WIPI1: variants seen among roughly 807,000 people sequenced by gnomAD.
The protein encoded by WIPI1 is WD repeat domain phosphoinositide-interacting protein 1.
Under a neutral mutation model 55.3 loss-of-function variants are expected in WIPI1, and 45 were observed. The observed-to-expected ratio is 0.81, with a 90% CI of 0.64 to 1.04. WIPI1 has a LOEUF of 1.04. WIPI1 is among the 50% of genes least tolerant of loss of function. The pLI, the probability that WIPI1 is intolerant of heterozygous loss-of-function variation, is 0.00. For synonymous variants in WIPI1, 195 were observed against 217.6 expected (o/e 0.90, Z 0.92); for missense variants, 445 against 559.0 (o/e 0.80, Z 2.06).
chr17:68,433,321 C>T (rs1403666727), intron 8 of WIPI1, 147 bp downstream of exon 8: 4 of 751,272 alleles, frequency 5.3e-6, no homozygotes, highest in East Asian at 2.7e-5. Flanking sequence ...CAAAGTTTTG[C>T]TAACACACAC....
chr17:68,445,948 A>G (rs916575536), intron 3 of WIPI1, among the ~76,000 whole-genome samples: 5 of 152,286 alleles, frequency 3.3e-5, no homozygotes, highest in Admixed American at 2.0e-4. Flanking sequence ...TTAGACGAAT[A>G]CCAGGTGATT....
intron 4 of WIPI1, among the ~76,000 whole-genome samples, chr17:68,442,093 CTGTT>C (rs1032209351): frequency 3.9e-5 from 6 of 152,188 alleles, no homozygotes; most frequent in African/African-American, 1.4e-4. Flanking sequence ...TATTTTCTCT[CTGTT>C]TAAGCTGCAG....
chr17:68,457,328 G>A lies in WIPI1; in HGVS notation c.80+14C>T, dbSNP rs748774200. Reference sequence around the variant, plus strand: ...GTCCCCCACCTCCCTGGCAGGGGCCGAGTCGCAGCTTACGTGCAGTCCTGG... The same window carrying A: ...GTCCCCCACCTCCCTGGCAGGGGCCAAGTCGCAGCTTACGTGCAGTCCTGG... On this transcript the variant is annotated intron_variant, in intron 1 of 12. Transcript: ENST00000262139. 3 of 1,543,478 alleles carry A rather than the reference G, an allele frequency of 1.9e-6. No homozygotes were observed. Among genetic ancestry groups the A allele is most frequent in the South Asian group, 1.2e-5 (1 of 83,938 alleles).
intron 12 of WIPI1, among the ~76,000 whole-genome samples, chr17:68,424,820 C>T (rs548484021): frequency 6.6e-5 from 10 of 152,052 alleles, no homozygotes; most frequent in South Asian, 2.1e-4. Context: ...GAGGCTGCAG[C>T]GAGCCGAGAT....
In WIPI1 at chr17:68,427,143, G is replaced by A. The variant is rs200972573; in HGVS notation, c.1184C>T (p.Thr395Met). The A allele has an allele frequency of 7.8e-5, 126 of 1,613,760 alleles. No homozygotes were observed. The highest frequency in any genetic ancestry group is 8.9e-5 in the East Asian group (4 of 44,888). ...GCCCCGTGTCCACCCACCTGGCACCGTGGAGGCTGAAGATGCACTTGGTCT... is the reference window on the plus strand; with the variant it reads ...GCCCCGTGTCCACCCACCTGGCACCATGGAGGCTGAAGATGCACTTGGTCT... ...VARPSASSAS[T>M]VPGYSEDGGA... The change falls in exon 11 of 13, where the codon ACG becomes ATG. Residue 395 changes from threonine (T) to methionine (M), a missense_variant. Thr to Met is a moderately conservative substitution (Grantham distance 81). Coordinates refer to ENST00000262139, the MANE Select transcript of WIPI1 (RefSeq NM_017983.7).
chr17:68,441,142 C>G (rs960085935), intron 4 of WIPI1: 6 of 152,206 alleles, frequency 3.9e-5, no homozygotes, highest in African/African-American at 1.4e-4. Flanking sequence ...GCAGGACTTT[C>G]ATGGAGATTT....
intron 3 of WIPI1, among the ~76,000 whole-genome samples, chr17:68,447,169 C>T (rs180918313): frequency 2.0e-5 from 3 of 152,280 alleles, no homozygotes; most frequent in African/African-American, 7.2e-5. Flanking sequence ...CAGATTTGGC[C>T]TCAGAGGCTT....
At chr17:68,437,003 A>ATATATATAT (rs1454926862) in intron 4 of WIPI1, among the ~76,000 whole-genome samples, 746 of 60,270 alleles carry the variant, frequency 0.012, 10 homozygotes, top group Admixed American at 0.063. Flanking sequence ...CAAAAAAAAA[A>ATATATATAT]AAATATATAT....
chr17:68,454,108 G>C (rs1333467041), intron 1 of WIPI1, among the ~76,000 whole-genome samples: 1 of 152,182 alleles, frequency 6.6e-6, no homozygotes, highest in African/African-American at 2.4e-5. Flanking sequence ...TCAATGAGGA[G>C]ATAAAGACAG....
intron 4 of WIPI1, among the ~76,000 whole-genome samples, chr17:68,439,091 AAACAT>A (rs987270540): frequency 6.6e-6 from 1 of 152,202 alleles, no homozygotes; most frequent in Non-Finnish European, 1.5e-5. Flanking sequence ...TTCAAAAGCT[AAACAT>A]AAAGTTCTCA....
chr17:68,444,433 T>G (rs921686704), intron 4 of WIPI1, 60 bp downstream of exon 4: 39 of 1,490,490 alleles, frequency 2.6e-5, no homozygotes, highest in Non-Finnish European at 3.3e-5. Context: ...AAATAAAGCT[T>G]GGGAAAGAAG....
chr17:68,444,406 G>T, intron 4 of WIPI1, 87 bp downstream of exon 4: 1 of 1,261,098 alleles, frequency 7.9e-7, no homozygotes, highest in Non-Finnish European at 1.1e-6. Flanking sequence ...ACTGCTTCAC[G>T]TTCGCAATTT....
Position 68,427,245 on chromosome 17 carries a change from C to T in WIPI1, c.1082G>A (p.Gly361Asp). 6.2e-7 allele frequency: 1 copy of T among 1,613,402 alleles called. No individual in the cohort carries two copies. Residue 361 changes from glycine to aspartate, a missense_variant, in exon 11 of 13, where the codon GGC (glycine) becomes GAC (aspartate). Gly to Asp is a moderately conservative substitution (Grantham distance 94). Coordinates refer to ENST00000262139, the MANE Select transcript of WIPI1 (RefSeq NM_017983.7). ...TTTATTCTCTTCTGTTGTTCCTGAG[C>T]CAAGCAAGCTACTTGTGACAATCAA... ...CVLIKTHSLL[G>D]SGTTEENKEN...
At chr17:68,431,534 G>T (rs887478896) in intron 8 of WIPI1, among the ~76,000 whole-genome samples, 4 of 152,180 alleles carry the variant, frequency 2.6e-5, no homozygotes, top group East Asian at 1.9e-4. Context: ...GGGAATAAAG[G>T]TGTCTGAGGA....
intron 10 of WIPI1, among the ~76,000 whole-genome samples, chr17:68,427,793 C>T (rs538143920): frequency 6.6e-6 from 1 of 152,348 alleles, no homozygotes; most frequent in African/African-American, 2.4e-5. Context: ...GCAAGGAGAG[C>T]AGCCATCGGT....
chr17:68,425,595 G>A (rs1282123099), intron 12 of WIPI1, among the ~76,000 whole-genome samples: 1 of 152,096 alleles, frequency 6.6e-6, no homozygotes, highest in African/African-American at 2.4e-5. Context: ...GTAAGTGAGG[G>A]TCAAGCTGGT....
chr17:68,426,250 G>GGGGGGGGGGGGGT lies in WIPI1; in HGVS notation c.1193-76_1193-75insACCCCCCCCCCCC. ...TGCCATGACCTGGCGGGTGGGGAGC[G>GGGGGGGGGGGGGT]GGGGCTCAAATAAAGGGCAAAGGAA... On this transcript the variant is annotated intron_variant, in intron 11 of 12. Coordinates refer to ENST00000262139, the MANE Select transcript of WIPI1 (RefSeq NM_017983.7). The GGGGGGGGGGGGGT allele has an allele frequency of 4.8e-6, 4 of 828,058 alleles. 1 individual carries two copies. Among genetic ancestry groups the GGGGGGGGGGGGGT allele is most frequent in the South Asian group, 1.3e-5 (1 of 75,716 alleles). 51.3% of individuals were successfully genotyped at this position (828,058 alleles called of 1,614,324 possible). A position where few individuals can be genotyped will look rare whatever the true frequency, so the allele number is the denominator to read the frequency against.
At chr17:68,441,965 A>G (rs959836202) in intron 4 of WIPI1, among the ~76,000 whole-genome samples, 1 of 152,196 alleles carries the variant, frequency 6.6e-6, no homozygotes, top group South Asian at 2.1e-4. Context: ...CTTTTATCTG[A>G]GACAGAGGAA....
At position 68,457,409 on chromosome 17, in the gene WIPI1, C is replaced by T. The variant is rs374549552; in HGVS notation, c.13G>A (p.Ala5Thr). ...ACCCCGCCCGGGGGAGCGTCCGCGG[C>T]CTCGGCCTCCATCGGGGGCTCGGCC... MEAEAADAPPGGVES... is the reference protein window; with the variant it reads MEAETADAPPGGVES... Residue 5 changes from alanine to threonine, a missense_variant, in exon 1 of 13, where the codon GCC (alanine) becomes ACC (threonine). Transcript: ENST00000262139. 21 of 1,515,242 alleles carry T rather than the reference C, an allele frequency of 1.4e-5. No homozygotes were observed. The African/African-American group carries it at 3.0e-4, about 22-fold the overall frequency. The allele number at this position is 1,515,242 out of a possible 1,614,324, so 93.9% of individuals were successfully genotyped here.
Sources: allele counts gnomAD v4.1 joint callset (sites outside exome capture counted in the v4.1 genomes callset), GRCh38; gene constraint gnomAD v4.1.1; transcripts MANE v1.5; gene names NCBI Gene and HGNC (gene_info 2026-07-23, HGNC 2026-07-21).